Variants in CNBD1 observed in about 807,000 individuals in gnomAD.
CNBD1 encodes the protein cyclic nucleotide-binding domain-containing protein 1.
CNBD1 carries 71 observed loss-of-function variants against 54.4 expected under a neutral mutation model. The observed-to-expected ratio is 1.30, with a 90% CI of 1.08 to 1.59. CNBD1 has a LOEUF of 1.59. CNBD1 is among the 40% of genes most tolerant of loss of function. CNBD1 has a pLI of 0.00. For synonymous variants in CNBD1, 182 were observed against 170.7 expected (o/e 1.07, Z -0.51); for missense variants, 659 against 518.0 (o/e 1.27, Z -2.64).
chr8:86,905,075 T>C lies in CNBD1; in HGVS notation c.159-6T>C. On this transcript the variant is annotated splice_region_variant and splice_polypyrimidine_tract_variant and intron_variant, in intron 2 of 10. Transcript: ENST00000518476. Reference sequence around the variant, plus strand: ...CTTACAATTTAATTTCTCTCTTCTTTTTAAGCCGGAGTATGAGCAATATCT... The same window carrying C: ...CTTACAATTTAATTTCTCTCTTCTTCTTAAGCCGGAGTATGAGCAATATCT... 1 of 1,573,550 alleles carries C rather than the reference T, an allele frequency of 6.4e-7. No individual in the cohort carries two copies. Among genetic ancestry groups the C allele is most frequent in the Non-Finnish European group, 8.7e-7 (1 of 1,147,646 alleles).
chr8:87,302,997 A>G (rs1809045158), intron 8 of CNBD1, among the ~76,000 whole-genome samples: 3 of 151,828 alleles, frequency 2.0e-5, no homozygotes, highest in Admixed American at 2.0e-4. Flanking sequence ...GGATACAAAC[A>G]AATGGAAGAA....
At chr8:87,370,022 C>T (rs1810739767) in intron 10 of CNBD1, among the ~76,000 whole-genome samples, 1 of 151,984 alleles carries the variant, frequency 6.6e-6, no homozygotes, top group Non-Finnish European at 1.5e-5. Flanking sequence ...ATGATGATTT[C>T]CGATTTCATC....
At chr8:87,334,719 C>CTTTT (rs758083191) in intron 8 of CNBD1, among the ~76,000 whole-genome samples, 3 of 126,158 alleles carry the variant, frequency 2.4e-5, no homozygotes, top group African/African-American at 6.3e-5. Context: ...TTTCTTTTTT[C>CTTTT]TTTTCTTTTT....
intron 8 of CNBD1, among the ~76,000 whole-genome samples, chr8:87,292,739 G>T (rs1808810026): frequency 6.6e-6 from 1 of 152,088 alleles, no homozygotes; most frequent in Non-Finnish European, 1.5e-5. Context: ...CCTCCATTCT[G>T]CCCAGTATAT....
intron 4 of CNBD1, among the ~76,000 whole-genome samples, chr8:87,055,677 G>T (rs1158577684): frequency 6.6e-6 from 1 of 152,134 alleles, no homozygotes; most frequent in Non-Finnish European, 1.5e-5. Flanking sequence ...AGCCTTAGTT[G>T]TCTACCGAAC....
chr8:87,368,176 G>T (rs944622606), intron 10 of CNBD1, among the ~76,000 whole-genome samples: 1 of 151,466 alleles, frequency 6.6e-6, no homozygotes, highest in Admixed American at 6.6e-5. Flanking sequence ...GAAAAGAAAA[G>T]AAAAGAAAAG....
intron 2 of CNBD1, among the ~76,000 whole-genome samples, chr8:86,898,312 A>G (rs1808878506): frequency 6.6e-6 from 1 of 151,130 alleles, no homozygotes; most frequent in African/African-American, 2.4e-5. Flanking sequence ...TAGTGGTCAA[A>G]ATAAAATTCA....
chr8:86,959,684 T>C (rs1000245376), intron 4 of CNBD1, among the ~76,000 whole-genome samples: 2 of 152,176 alleles, frequency 1.3e-5, no homozygotes, highest in African/African-American at 4.8e-5. Context: ...TCTTGTGCCA[T>C]GGTTTTCAGC....
chr8:87,381,114 G>A (rs1811063848), intron 10 of CNBD1, among the ~76,000 whole-genome samples: 1 of 151,998 alleles, frequency 6.6e-6, no homozygotes, highest in Non-Finnish European at 1.5e-5. Flanking sequence ...TAGAATGGGA[G>A]AAAATATTTG....
intron 5 of CNBD1, among the ~76,000 whole-genome samples, chr8:87,222,050 T>C (rs1354807001): frequency 3.9e-5 from 6 of 152,094 alleles, no homozygotes; most frequent in African/African-American, 1.4e-4. Flanking sequence ...TGTTATCTTA[T>C]CTCTGCAATC....
chr8:86,968,583 G>A (rs1441270618), intron 4 of CNBD1, among the ~76,000 whole-genome samples: 1 of 152,188 alleles, frequency 6.6e-6, no homozygotes, highest in African/African-American at 2.4e-5. Flanking sequence ...CTCCAAAGAT[G>A]ATTTTGAAGG....
chr8:86,872,062 C>A (rs905549891), intron 1 of CNBD1, among the ~76,000 whole-genome samples: 2 of 152,214 alleles, frequency 1.3e-5, no homozygotes, highest in East Asian at 3.8e-4. Context: ...TGCAAGTCAT[C>A]AATCCAAGAT....
At chr8:87,067,795 G>A (rs1021068244) in intron 4 of CNBD1, among the ~76,000 whole-genome samples, 2 of 151,620 alleles carry the variant, frequency 1.3e-5, no homozygotes, top group East Asian at 1.9e-4. Context: ...CTCCATTAAC[G>A]TATTATTTCT....
chr8:87,063,278 T>C (rs1810582411), intron 4 of CNBD1, among the ~76,000 whole-genome samples: 1 of 152,224 alleles, frequency 6.6e-6, no homozygotes, highest in Admixed American at 6.5e-5. Context: ...ACTGTGTTCC[T>C]GGAAAGAGGA....
intron 8 of CNBD1, among the ~76,000 whole-genome samples, chr8:87,350,302 A>C (rs989368945): frequency 2.6e-5 from 4 of 152,094 alleles, no homozygotes; most frequent in Non-Finnish European, 5.9e-5. Context: ...TTTAAACAAA[A>C]TAAATGATTG....
At chr8:87,326,414 C>T in intron 8 of CNBD1, among the ~76,000 whole-genome samples, 1 of 125,816 alleles carries the variant, frequency 7.9e-6, no homozygotes, top group African/African-American at 2.9e-5. Context: ...AACTTGGTTC[C>T]ATTCTCCCCA....
chr8:87,159,261 C>G (rs918980739), intron 4 of CNBD1, among the ~76,000 whole-genome samples: 1 of 152,070 alleles, frequency 6.6e-6, no homozygotes, highest in African/African-American at 2.4e-5. Context: ...AGTGGCCTTT[C>G]TTGATTTAAA....
chr8:87,138,568 T>C lies in CNBD1; in HGVS notation c.432-67425T>C, dbSNP rs576896576. Among the ~76,000 whole-genome samples, 185 of 152,294 alleles carry C rather than the reference T, an allele frequency of 1.2e-3. 1 individual carries two copies. The highest frequency in any genetic ancestry group is 4.3e-3 in the African/African-American group (178 of 41,568). On this transcript the variant is annotated intron_variant, in intron 4 of 10. Coordinates refer to ENST00000518476, the MANE Select transcript of CNBD1 (RefSeq NM_173538.3). Reference sequence around the variant, plus strand: ...TCCTGCTGTTTAGTGGAAATAGTGTTTTCTCAATCTCTTCTGGGTTAACCA... The same window carrying C: ...TCCTGCTGTTTAGTGGAAATAGTGTCTTCTCAATCTCTTCTGGGTTAACCA...
chr8:86,955,076 A>T (rs1195379906), intron 4 of CNBD1, among the ~76,000 whole-genome samples: 1 of 149,626 alleles, frequency 6.7e-6, no homozygotes, highest in Non-Finnish European at 1.5e-5. Flanking sequence ...GAGTGAGAAC[A>T]TGCGGTGTTT....
Sources: gnomAD v4.1 joint callset for allele counts (sites outside exome capture counted in the v4.1 genomes callset) on GRCh38, gnomAD v4.1.1 for gene constraint, MANE v1.5 for transcripts, NCBI Gene and HGNC (gene_info 2026-07-23, HGNC 2026-07-21) for gene names.